Variants in SMC5 observed in about 807,000 individuals in gnomAD.
SMC5 encodes structural maintenance of chromosomes protein 5.
In SMC5, 88 loss-of-function variants were observed where a neutral mutation model predicts 148.3. The observed-to-expected ratio is 0.59, with a 90% confidence interval of 0.50 to 0.71. The LOEUF (loss-of-function observed/expected upper bound fraction) is 0.71, where lower values mean the gene tolerates loss of function less well. SMC5 is among the 30% of genes least tolerant of loss of function. SMC5 has a pLI of 0.00. For missense variants in SMC5, 1,142 were observed against 1,298.9 expected (o/e 0.88, Z 1.86); for synonymous variants, 421 against 432.8 (o/e 0.97, Z 0.34).
At chr9:70,301,457 C>G (rs1215793693) in intron 10 of SMC5, among the ~76,000 whole-genome samples, 1 of 152,188 alleles carries the variant, frequency 6.6e-6, no homozygotes, top group Non-Finnish European at 1.5e-5. Context: ...ACATTCACAT[C>G]TTCCACGCAG....
At chr9:70,312,276 C>T (rs961474123) in intron 11 of SMC5, among the ~76,000 whole-genome samples, 6 of 152,010 alleles carry the variant, frequency 3.9e-5, no homozygotes, top group Non-Finnish European at 7.4e-5. Context: ...GCACATCTTA[C>T]ATGGCAGCAG....
intron 1 of SMC5, 29 bp downstream of exon 1, chr9:70,259,292 T>C: frequency 6.5e-7 from 1 of 1,537,980 alleles, no homozygotes; most frequent in Admixed American, 2.0e-5. Context: ...GCGCCGCGGG[T>C]GTGGAGGTGT....
chr9:70,348,434 G>C (rs1261329934), intron 22 of SMC5, among the ~76,000 whole-genome samples: 1 of 151,988 alleles, frequency 6.6e-6, no homozygotes, highest in Non-Finnish European at 1.5e-5. Flanking sequence ...GCTCACGCCT[G>C]TAATCTCAGC....
chr9:70,283,931 A>AAAC (rs1237535610), intron 7 of SMC5, among the ~76,000 whole-genome samples: 1 of 152,180 alleles, frequency 6.6e-6, no homozygotes, highest in East Asian at 1.9e-4. Flanking sequence ...TGTAAGTTTC[A>AAAC]TCTTTTGTTT....
intron 17 of SMC5, among the ~76,000 whole-genome samples, chr9:70,328,935 G>T (rs1448330500): frequency 6.6e-6 from 1 of 152,204 alleles, no homozygotes; most frequent in East Asian, 1.9e-4. Context: ...AGCACCTTGT[G>T]GAAACTGCCA....
chr9:70,316,439 A>G (rs1249833047), intron 13 of SMC5, among the ~76,000 whole-genome samples: 1 of 144,892 alleles, frequency 6.9e-6, no homozygotes, highest in East Asian at 2.1e-4. Flanking sequence ...CTCATTTTGC[A>G]AAAACAAGTT....
At chr9:70,304,369 G>A (rs553439353) in intron 10 of SMC5, among the ~76,000 whole-genome samples, 1 of 151,944 alleles carries the variant, frequency 6.6e-6, no homozygotes, top group Admixed American at 6.6e-5. Flanking sequence ...GTGCTACCAC[G>A]CCTGGCCCAG....
At chr9:70,345,390 G>A (rs982011385) in intron 18 of SMC5, among the ~76,000 whole-genome samples, 1 of 152,024 alleles carries the variant, frequency 6.6e-6, no homozygotes, top group Non-Finnish European at 1.5e-5. Flanking sequence ...ATCAGATAAT[G>A]TCAGATAACA....
chr9:70,270,586 G>C (rs2034419124), intron 3 of SMC5, among the ~76,000 whole-genome samples: 1 of 151,484 alleles, frequency 6.6e-6, no homozygotes, highest in Non-Finnish European at 1.5e-5. Context: ...TTGTCACCTA[G>C]GAAATTCCAA....
chr9:70,298,669 A>G (rs543189819), intron 9 of SMC5, among the ~76,000 whole-genome samples: 2 of 152,054 alleles, frequency 1.3e-5, no homozygotes, highest in South Asian at 2.1e-4. Flanking sequence ...TGCTCAATAT[A>G]TATGACTAAG....
chr9:70,314,255 A>G (rs1166174278), intron 11 of SMC5, among the ~76,000 whole-genome samples: 1 of 152,142 alleles, frequency 6.6e-6, no homozygotes, highest in Non-Finnish European at 1.5e-5. Flanking sequence ...GATGCTCCAG[A>G]TTGGGGAATG....
At chr9:70,314,671 T>C (rs2035748548) in intron 11 of SMC5, 71 bp from the exon 12 acceptor site, 1 of 697,382 alleles carries the variant, frequency 1.4e-6, no homozygotes, top group Admixed American at 3.1e-5. Flanking sequence ...AGTAGGAGTA[T>C]GGTAACTATA....
chr9:70,285,550 A>T (rs1182324860), intron 7 of SMC5, among the ~76,000 whole-genome samples: 1 of 152,214 alleles, frequency 6.6e-6, no homozygotes, highest in East Asian at 1.9e-4. Flanking sequence ...CACTCTTATC[A>T]GTTAGGAAAT....
intron 10 of SMC5, among the ~76,000 whole-genome samples, chr9:70,302,627 G>A (rs1587665895): frequency 1.3e-5 from 2 of 151,888 alleles, no homozygotes; most frequent in Admixed American, 1.3e-4. Context: ...CCAAGATCAC[G>A]CCACTGCACA....
At chr9:70,275,920 A>G (rs1427956972) in intron 3 of SMC5, among the ~76,000 whole-genome samples, 1 of 152,030 alleles carries the variant, frequency 6.6e-6, no homozygotes, top group Non-Finnish European at 1.5e-5. Context: ...TAGTCATCCA[A>G]ATATCTTTAA....
chr9:70,346,816 A>T (rs952798553), intron 19 of SMC5, among the ~76,000 whole-genome samples, 167 bp downstream of exon 19: 1 of 152,138 alleles, frequency 6.6e-6, no homozygotes, highest in Non-Finnish European at 1.5e-5. Context: ...AGCCTATATG[A>T]TATGTACTGC....
At chr9:70,337,446 ATTTGTT>A in intron 17 of SMC5, among the ~76,000 whole-genome samples, 1 of 70,458 alleles carries the variant, frequency 1.4e-5, no homozygotes, top group South Asian at 5.7e-4. Context: ...GTGTTTTGGG[ATTTGTT>A]TTTTTTTTTT....
At chr9:70,278,057 T>A (rs1394889598) in intron 4 of SMC5, among the ~76,000 whole-genome samples, 1 of 152,098 alleles carries the variant, frequency 6.6e-6, no homozygotes, top group African/African-American at 2.4e-5. Context: ...AAATAAAACT[T>A]AAACATTTTT....
Position 70,350,112 on chromosome 9 carries a change from A to G in SMC5, c.2890-2A>G. ...TTTCATCACTTTTTAAATGTTTTAT[A>G]GGAAGATTATGATAAATATGGAATT... On this transcript the variant is annotated splice_acceptor_variant, in intron 22 of 24. Transcript: ENST00000361138. LOFTEE classifies it high-confidence loss of function. The G allele has an allele frequency of 6.3e-7, 1 of 1,586,280 alleles. No individual in the cohort carries two copies. The highest frequency in any genetic ancestry group is 2.2e-5 in the East Asian group (1 of 44,514).
Sources: allele counts gnomAD v4.1 joint callset (sites outside exome capture counted in the v4.1 genomes callset), GRCh38; gene constraint gnomAD v4.1.1; transcripts MANE v1.5; gene names NCBI Gene and HGNC (gene_info 2026-07-23, HGNC 2026-07-21).